Variants in EEA1 observed in about 807,000 individuals in gnomAD.
EEA1 encodes early endosome antigen 1, 162kD.
In EEA1, 111 loss-of-function variants were observed where a neutral mutation model predicts 209.2. The ratio of observed to expected loss-of-function variants is 0.53; its 90% confidence interval spans 0.45 to 0.62. The LOEUF is 0.62. Ranked by LOEUF, EEA1 falls within the 20% of genes least tolerant of loss-of-function variation. The pLI, the probability that EEA1 is intolerant of heterozygous loss-of-function variation, is 0.00. For missense variants in EEA1, 1,343 were observed against 1,530.8 expected, an observed-to-expected ratio of 0.88 and a Z score of 2.05; for synonymous variants, 536 against 540.6, an observed-to-expected ratio of 0.99 and a Z score of 0.12.
chr12:92,844,875 G>T (rs1300636815), intron 9 of EEA1, among the ~76,000 whole-genome samples: 1 of 151,886 alleles, frequency 6.6e-6, no homozygotes. Flanking sequence ...ATTTCATATT[G>T]AAGTTCATAA....
In EEA1 at chr12:92,780,345, T is replaced by C. The variant is rs1873852604; in HGVS notation, c.3403A>G (p.Arg1135Gly). Residue 1135 changes from arginine to glycine, a missense_variant, in exon 24 of 29, where the codon AGA becomes GGA. Coordinates refer to ENST00000322349, the MANE Select transcript of EEA1 (RefSeq NM_003566.4). ...AGTTTAGTGATTTCTTTTTCTTGTC[T>C]ACATTTAATTTCTTCTATCTCTGCC... ...KLAEIEEIKC[R>G]QEKEITKLNE... 1 of 1,601,930 alleles carries C rather than the reference T, an allele frequency of 6.2e-7. No individual in the cohort carries two copies. Among genetic ancestry groups the C allele is most frequent in the African/African-American group, 1.3e-5 (1 of 74,198 alleles).
chr12:92,886,856 G>A (rs1277802335), intron 2 of EEA1, among the ~76,000 whole-genome samples: 3 of 151,844 alleles, frequency 2.0e-5, no homozygotes, highest in Non-Finnish European at 4.4e-5. Context: ...AAATTAGCCG[G>A]GTGTGGTGGC....
At chr12:92,888,493 C>T (rs1342892310) in intron 2 of EEA1, among the ~76,000 whole-genome samples, 3 of 151,498 alleles carry the variant, frequency 2.0e-5, no homozygotes, top group Non-Finnish European at 2.9e-5. Context: ...AGGAGAATGG[C>T]GTGAACCCGG....
At chr12:92,790,880 C>T (rs373570255) in intron 21 of EEA1, among the ~76,000 whole-genome samples, 2 of 152,152 alleles carry the variant, frequency 1.3e-5, no homozygotes, top group Admixed American at 6.5e-5. Context: ...AGAGAAAGGT[C>T]GGGTTACCCA....
chr12:92,814,963 G>A (rs1476335771), intron 15 of EEA1, among the ~76,000 whole-genome samples: 1 of 152,116 alleles, frequency 6.6e-6, no homozygotes, highest in South Asian at 2.1e-4. Context: ...CTTTGGCTAA[G>A]CACTTTTGGT....
At chr12:92,918,935 A>G in intron 1 of EEA1, among the ~76,000 whole-genome samples, 1 of 140,218 alleles carries the variant, frequency 7.1e-6, no homozygotes, top group East Asian at 2.0e-4. Context: ...TCCCACAGAA[A>G]TACAAACTAC....
chr12:92,834,404 G>C (rs574574422), intron 10 of EEA1, among the ~76,000 whole-genome samples: 1 of 151,842 alleles, frequency 6.6e-6, no homozygotes, highest in African/African-American at 2.4e-5. Context: ...AATTAGCCAG[G>C]CATGGCGGTA....
intron 21 of EEA1, among the ~76,000 whole-genome samples, chr12:92,791,194 G>T (rs1390694086): frequency 6.6e-6 from 1 of 152,150 alleles, no homozygotes; most frequent in East Asian, 1.9e-4. Flanking sequence ...GACCATTGAT[G>T]CTATGAAGAA....
At chr12:92,908,490 A>T (rs1040557396) in intron 1 of EEA1, among the ~76,000 whole-genome samples, 12 of 152,304 alleles carry the variant, frequency 7.9e-5, no homozygotes, top group African/African-American at 1.2e-4. Context: ...AAATTTTTTT[A>T]AAACCTAAAT....
intron 10 of EEA1, among the ~76,000 whole-genome samples, chr12:92,835,614 T>C (rs546524477): frequency 1.8e-4 from 27 of 152,028 alleles, no homozygotes; most frequent in South Asian, 1.2e-3. Context: ...GGTTTCACCA[T>C]GTTGGCCAAG....
At chr12:92,899,195 G>C (rs1436195003) in intron 1 of EEA1, among the ~76,000 whole-genome samples, 1 of 151,682 alleles carries the variant, frequency 6.6e-6, no homozygotes, top group Admixed American at 6.6e-5. Flanking sequence ...GATACCAGGA[G>C]ACAGTACCCA....
chr12:92,836,282 A>T (rs1876926467), intron 10 of EEA1, among the ~76,000 whole-genome samples: 1 of 152,226 alleles, frequency 6.6e-6, no homozygotes, highest in African/African-American at 2.4e-5. Context: ...TATAAAATGC[A>T]TGTTAATCCT....
rs866167839 is a variant in EEA1 at position 92,821,547 on chromosome 12, T to C, written c.1525-2036A>G. ...CACAAAGTAAAATCACAAAGCTCCA[T>C]AGATCGACGCTACTACAAATTTCTG... On this transcript the variant is annotated intron_variant, in intron 13 of 28. Coordinates refer to ENST00000322349, the MANE Select transcript of EEA1 (RefSeq NM_003566.4). 2.4e-4 allele frequency among the ~76,000 whole-genome samples: 37 copies of C among 152,288 alleles called. No individual in the cohort carries two copies. In the Middle Eastern group the frequency reaches 0.014, roughly 56 times the overall value.
intron 22 of EEA1, among the ~76,000 whole-genome samples, chr12:92,787,229 C>A (rs940304421): frequency 6.6e-6 from 1 of 152,036 alleles, no homozygotes; most frequent in African/African-American, 2.4e-5. Flanking sequence ...AGAAAAAAAA[C>A]TGGCTGAATC....
At chr12:92,915,456 C>T (rs577110843) in intron 1 of EEA1, among the ~76,000 whole-genome samples, 1 of 152,094 alleles carries the variant, frequency 6.6e-6, no homozygotes, top group South Asian at 2.1e-4. Flanking sequence ...GACAACAGGG[C>T]AAGAACCTGT....
At chr12:92,812,655 C>G (rs1042686173) in intron 16 of EEA1, among the ~76,000 whole-genome samples, 7 of 152,134 alleles carry the variant, frequency 4.6e-5, no homozygotes, top group Admixed American at 6.6e-5. Flanking sequence ...ATCACCAACA[C>G]TTGAAGGGAT....
intron 22 of EEA1, among the ~76,000 whole-genome samples, chr12:92,787,210 AAGAG>A (rs1336073668): frequency 1.3e-5 from 2 of 152,154 alleles, no homozygotes; most frequent in African/African-American, 4.8e-5. Context: ...CCTTAACAAA[AAGAG>A]AGACAGAAAA....
intron 1 of EEA1, among the ~76,000 whole-genome samples, chr12:92,923,927 AATT>A (rs1881111772): frequency 6.6e-6 from 1 of 151,790 alleles, no homozygotes; most frequent in Non-Finnish European, 1.5e-5. Context: ...TGGAGTTTAT[AATT>A]ATAATAACAC....
At position 92,851,078 on chromosome 12, in the gene EEA1, T is replaced by G. The variant is rs546360811; in HGVS notation, c.798+33A>C. On this transcript the variant is annotated intron_variant, in intron 9 of 28. Coordinates refer to ENST00000322349, the MANE Select transcript of EEA1 (RefSeq NM_003566.4). The stretch of plus-strand genomic sequence containing the variant: ...ATAGTATACACTACACAAGCTAATA[T>G]GAATCACATTTAAGTACAATGAACT... 7 of 1,606,450 alleles carry G rather than the reference T, an allele frequency of 4.4e-6. No individual in the cohort carries two copies. The South Asian group carries it at 6.6e-5, about 15-fold the overall frequency.
Sources: gnomAD v4.1 joint callset for allele counts (sites outside exome capture counted in the v4.1 genomes callset) on GRCh38, gnomAD v4.1.1 for gene constraint, MANE v1.5 for transcripts, NCBI Gene and HGNC (gene_info 2026-07-23, HGNC 2026-07-21) for gene names.